The following LRRTM3 variants were observed in gnomAD, a reference collection of about 807,000 sequenced individuals.
LRRTM3 encodes the protein leucine-rich repeat transmembrane neuronal protein 3.
In LRRTM3, 24 loss-of-function variants were observed where a neutral mutation model predicts 44.7. The observed-to-expected ratio is 0.54, with a 90% CI of 0.39 to 0.76. The LOEUF (loss-of-function observed/expected upper bound fraction) is 0.76, where lower values mean the gene tolerates loss of function less well. Among genes scored for constraint, LRRTM3 ranks in the 30% least tolerant of loss-of-function variants. LRRTM3 has a pLI of 0.00. For synonymous variants in LRRTM3, 277 were observed against 278.7 expected (o/e 0.99, Z 0.06); for missense variants, 587 against 702.2 (o/e 0.84, Z 1.85).
chr10:66,932,821 C>T (rs1448401715), intron 2 of LRRTM3, among the ~76,000 whole-genome samples: 2 of 152,116 alleles, frequency 1.3e-5, no homozygotes, highest in African/African-American at 2.4e-5. Flanking sequence ...CTTAATACTA[C>T]CAATAAAATC....
rs79217940 is a variant in LRRTM3 at position 66,982,480 on chromosome 10, C to G, written c.1536+54028C>G. On this transcript the variant is annotated intron_variant, in intron 2 of 2. Coordinates refer to ENST00000361320, the MANE Select transcript of LRRTM3 (RefSeq NM_178011.5). ...ATAATTTGATGTAAAGCACCCAGGA[C>G]AATGTTTGGTGTATAGCAGTTACTT... is the stretch of plus-strand genomic sequence containing the variant. Among the ~76,000 whole-genome samples the G allele has an allele frequency of 9.7e-3, 1,481 of 152,194 alleles. 35 individuals are homozygous for G. The highest frequency in any genetic ancestry group is 0.034 in the African/African-American group (1,405 of 41,528).
chr10:66,993,061 C>T (rs1202302667), intron 2 of LRRTM3, among the ~76,000 whole-genome samples: 2 of 152,142 alleles, frequency 1.3e-5, no homozygotes, highest in East Asian at 3.9e-4. Context: ...CACAAAATTC[C>T]GTTTCCCATG....
chr10:66,997,482 C>G (rs1470383190), intron 2 of LRRTM3, among the ~76,000 whole-genome samples: 2 of 152,172 alleles, frequency 1.3e-5, no homozygotes, highest in Non-Finnish European at 2.9e-5. Context: ...ATATCTAGAA[C>G]AGTTTAAACC....
chr10:67,000,270 A>G (rs771413908), intron 2 of LRRTM3, among the ~76,000 whole-genome samples: 1 of 152,172 alleles, frequency 6.6e-6, no homozygotes, highest in Non-Finnish European at 1.5e-5. Flanking sequence ...TAGATTTCTA[A>G]ACTCCTCTTA....
At chr10:67,074,128 G>C (rs1856611467) in intron 2 of LRRTM3, among the ~76,000 whole-genome samples, 1 of 144,124 alleles carries the variant, frequency 6.9e-6, no homozygotes. Context: ...CTCCTCCCGA[G>C]TTGAAGAGAT....
intron 2 of LRRTM3, among the ~76,000 whole-genome samples, chr10:67,088,692 G>A (rs1009517680): frequency 2.6e-5 from 4 of 151,924 alleles, no homozygotes; most frequent in Non-Finnish European, 5.9e-5. Context: ...TAACTTTGCA[G>A]GATTTCACTA....
intron 2 of LRRTM3, among the ~76,000 whole-genome samples, chr10:66,963,088 C>T (rs750800294): frequency 1.3e-4 from 20 of 152,136 alleles, no homozygotes; most frequent in Admixed American, 1.3e-4. Flanking sequence ...CTATATCATA[C>T]TCTGTAAATT....
At chr10:67,083,347 A>C (rs1035456747) in intron 2 of LRRTM3, among the ~76,000 whole-genome samples, 6 of 152,082 alleles carry the variant, frequency 3.9e-5, no homozygotes, top group African/African-American at 1.4e-4. Context: ...AGTTCCAATC[A>C]GTTATTCAAT....
chr10:67,006,429 A>C (rs1281042493), intron 2 of LRRTM3, among the ~76,000 whole-genome samples: 1 of 151,810 alleles, frequency 6.6e-6, no homozygotes, highest in African/African-American at 2.4e-5. Context: ...TGTATATACT[A>C]CTCTACATCT....
chr10:67,002,961 T>A (rs915626204), intron 2 of LRRTM3, among the ~76,000 whole-genome samples: 3 of 152,200 alleles, frequency 2.0e-5, no homozygotes, highest in Non-Finnish European at 2.9e-5. Flanking sequence ...TTCGTAAGAC[T>A]TGTGGCTGCC....
intron 2 of LRRTM3, among the ~76,000 whole-genome samples, chr10:67,084,521 C>A (rs993785556): frequency 2.0e-5 from 3 of 151,834 alleles, no homozygotes; most frequent in Non-Finnish European, 4.4e-5. Context: ...CACCCTCAGC[C>A]ATGAGAAAAA....
At chr10:67,013,420 T>C (rs926235713) in intron 2 of LRRTM3, among the ~76,000 whole-genome samples, 11 of 152,228 alleles carry the variant, frequency 7.2e-5, no homozygotes, top group African/African-American at 2.7e-4. Context: ...ATCATTGTTA[T>C]CATTTCCAAT....
chr10:67,024,776 G>T (rs4745924), intron 2 of LRRTM3, among the ~76,000 whole-genome samples: 3 of 151,944 alleles, frequency 2.0e-5, no homozygotes, highest in African/African-American at 4.8e-5. Flanking sequence ...CATTGATGTT[G>T]CTTTAAATAT....
intron 2 of LRRTM3, among the ~76,000 whole-genome samples, chr10:67,057,240 CAATT>C (rs1304491635): frequency 2.0e-5 from 3 of 152,064 alleles, no homozygotes; most frequent in African/African-American, 7.2e-5. Flanking sequence ...TTGCCACAAT[CAATT>C]AATATATCTA....
intron 2 of LRRTM3, among the ~76,000 whole-genome samples, chr10:67,086,410 A>G (rs770007912): frequency 2.6e-5 from 4 of 152,040 alleles, no homozygotes; most frequent in Non-Finnish European, 5.9e-5. Context: ...TTAGTAATGA[A>G]GTTGAAGAGA....
chr10:67,085,781 A>T (rs1407676253), intron 2 of LRRTM3, among the ~76,000 whole-genome samples: 1 of 152,028 alleles, frequency 6.6e-6, no homozygotes, highest in Non-Finnish European at 1.5e-5. Flanking sequence ...AACTTTTACT[A>T]ATACGCAAGC....
chr10:66,946,839 C>T (rs1848298446), intron 2 of LRRTM3, among the ~76,000 whole-genome samples: 1 of 152,068 alleles, frequency 6.6e-6, no homozygotes, highest in Admixed American at 6.6e-5. Flanking sequence ...CTTGGAAGTT[C>T]TTGATAAACT....
intron 2 of LRRTM3, among the ~76,000 whole-genome samples, chr10:66,979,925 T>C (rs964455168): frequency 5.3e-5 from 8 of 152,222 alleles, no homozygotes; most frequent in African/African-American, 1.9e-4. Flanking sequence ...TGCTTTGCTT[T>C]ACTTTCCTCA....
rs115752517 is a variant in LRRTM3 at position 67,016,168 on chromosome 10, T to C, written c.1537-81419T>C. Among the ~76,000 whole-genome samples, 887 of 152,316 alleles carry C rather than the reference T, an allele frequency of 5.8e-3. 10 individuals carry two copies. Among genetic ancestry groups the C allele is most frequent in the African/African-American group, 0.02 (844 of 41,566 alleles). On this transcript the variant is annotated intron_variant, in intron 2 of 2. Transcript: ENST00000361320. ...GAAAATGGTAGTTTTATGCATGAGT[T>C]TATCCACTGTTCCCTTTCTGATCGC...
Sources: allele counts gnomAD v4.1 joint callset (sites outside exome capture counted in the v4.1 genomes callset), GRCh38; gene constraint gnomAD v4.1.1; transcripts MANE v1.5; gene names NCBI Gene and HGNC (gene_info 2026-07-23, HGNC 2026-07-21).